Variants in FHIT observed in about 807,000 individuals in gnomAD.
The protein encoded by FHIT is bis(5'-adenosyl)-triphosphatase.
FHIT carries 19 observed loss-of-function variants against 17.9 expected under a neutral mutation model. That is an observed-to-expected ratio of 1.06 (90% CI 0.74 to 1.56). FHIT has a LOEUF of 1.56. FHIT is among the 40% of genes most tolerant of loss of function. FHIT has a pLI of 0.00. For synonymous variants in FHIT, 81 were observed against 69.7 expected (o/e 1.16, Z -0.81); for missense variants, 248 against 189.2 (o/e 1.31, Z -1.82).
chr3:60,303,617 C>T (rs1708538554), intron 5 of FHIT, among the ~76,000 whole-genome samples: 1 of 152,158 alleles, frequency 6.6e-6, no homozygotes, highest in Admixed American at 6.5e-5. Context: ...CTTCACAGCC[C>T]ATATGTGATT....
chr3:60,289,931 T>A (rs1036023985), intron 5 of FHIT, among the ~76,000 whole-genome samples: 2 of 152,208 alleles, frequency 1.3e-5, no homozygotes, highest in African/African-American at 4.8e-5. Flanking sequence ...CTGTTCATAT[T>A]GTTCCCTCCT....
chr3:59,948,608 G>A (rs1428708557), intron 7 of FHIT, among the ~76,000 whole-genome samples: 2 of 151,998 alleles, frequency 1.3e-5, no homozygotes, highest in African/African-American at 4.8e-5. Flanking sequence ...TTCCATCAGA[G>A]AGATTTGGTT....
At chr3:60,320,067 G>A (rs1393522557) in intron 5 of FHIT, among the ~76,000 whole-genome samples, 2 of 152,016 alleles carry the variant, frequency 1.3e-5, no homozygotes, top group African/African-American at 4.8e-5. Flanking sequence ...ATCCCTCTAA[G>A]GTGAGTTTCT....
rs1430183879 is a variant in FHIT, at chr3:60,315,630, G to A, written c.103+221230C>T. Among the ~76,000 whole-genome samples, 18 of 152,278 alleles carry A rather than the reference G, an allele frequency of 1.2e-4. No individual in the cohort carries two copies. In the East Asian group the frequency reaches 3.5e-3, roughly 29 times the overall value. ...ACTGCTGCTGCACAGGGCAGTAGAT[G>A]GTATGTTTTCATTGCTCTGAAGTGT... On this transcript the variant is annotated intron_variant, in intron 5 of 9. Transcript: ENST00000492590.
At chr3:61,132,341 C>A (rs983408767) in intron 2 of FHIT, among the ~76,000 whole-genome samples, 1 of 152,178 alleles carries the variant, frequency 6.6e-6, no homozygotes, top group Non-Finnish European at 1.5e-5. Context: ...GTCTCCCTTA[C>A]CTTATTCATC....
intron 3 of FHIT, among the ~76,000 whole-genome samples, chr3:60,842,150 C>T (rs1702742487): frequency 6.6e-6 from 1 of 152,102 alleles, no homozygotes; most frequent in Non-Finnish European, 1.5e-5. Context: ...GTGGGCATAT[C>T]CTGCCCTCAC....
At chr3:60,158,090 G>A (rs965362797) in intron 5 of FHIT, among the ~76,000 whole-genome samples, 3 of 152,142 alleles carry the variant, frequency 2.0e-5, no homozygotes, top group Admixed American at 6.5e-5. Flanking sequence ...CAAGACAGAT[G>A]GAAGTATTCT....
At chr3:60,022,480 C>G (rs1294196219) in intron 5 of FHIT, among the ~76,000 whole-genome samples, 3 of 152,138 alleles carry the variant, frequency 2.0e-5, no homozygotes, top group Non-Finnish European at 1.5e-5. Context: ...AGTATGTGAC[C>G]GACAGCTTTA....
intron 8 of FHIT, among the ~76,000 whole-genome samples, chr3:59,899,890 A>T (rs1704248014): frequency 2.0e-5 from 3 of 152,114 alleles, no homozygotes; most frequent in Admixed American, 2.0e-4. Flanking sequence ...CAGGCCTAGC[A>T]CTCTGCCAGG....
intron 4 of FHIT, among the ~76,000 whole-genome samples, chr3:60,571,075 C>G (rs929224286): frequency 6.6e-6 from 1 of 151,972 alleles, no homozygotes; most frequent in African/African-American, 2.4e-5. Context: ...CACCTGTAAT[C>G]CCAGCACTTT....
intron 8 of FHIT, among the ~76,000 whole-genome samples, chr3:59,897,918 C>A (rs552554679): frequency 6.6e-6 from 1 of 152,094 alleles, no homozygotes; most frequent in Non-Finnish European, 1.5e-5. Flanking sequence ...AGGCACCCGC[C>A]ACCACGCCTG....
chr3:59,989,976 C>G (rs965466467), intron 7 of FHIT, among the ~76,000 whole-genome samples: 2 of 152,032 alleles, frequency 1.3e-5, no homozygotes, highest in African/African-American at 4.8e-5. Context: ...GATGAGAAGA[C>G]AAACTCAGCA....
intron 7 of FHIT, among the ~76,000 whole-genome samples, chr3:60,003,254 G>C (rs956085783): frequency 6.6e-6 from 1 of 151,972 alleles, no homozygotes; most frequent in East Asian, 1.9e-4. Flanking sequence ...TGTTATCTGT[G>C]TCCTTCCTTC....
intron 8 of FHIT, among the ~76,000 whole-genome samples, chr3:59,754,180 C>T (rs1701076675): frequency 6.7e-6 from 1 of 150,356 alleles, no homozygotes. Context: ...TAGCCTCGCA[C>T]TCCCGCTGAG....
At position 60,002,432 on chromosome 3, in the gene FHIT, T is replaced by A. The variant is rs146495864; in HGVS notation, c.279+8939A>T. 9.3e-3 allele frequency among the ~76,000 whole-genome samples: 1,414 copies of A among 152,252 alleles called. 31 individuals carry two copies. Among genetic ancestry groups the A allele is most frequent in the Non-Finnish European group, 9.7e-3 (657 of 68,018 alleles). ...ACAAGAGGCTTCTTTGGAGAACGGATCTATTAGACAATAAGGTAGGATGGA... is the reference window on the plus strand; with the variant it reads ...ACAAGAGGCTTCTTTGGAGAACGGAACTATTAGACAATAAGGTAGGATGGA... On this transcript the variant is annotated intron_variant, in intron 7 of 9. Coordinates refer to ENST00000492590, the MANE Select transcript of FHIT (RefSeq NM_002012.4).
chr3:59,866,885 T>C (rs1193591715), intron 8 of FHIT, among the ~76,000 whole-genome samples: 1 of 152,108 alleles, frequency 6.6e-6, no homozygotes, highest in East Asian at 1.9e-4. Flanking sequence ...CAAATCCGGC[T>C]GATAATTTAG....
At chr3:59,896,905 T>A (rs1704096566) in intron 8 of FHIT, among the ~76,000 whole-genome samples, 1 of 152,104 alleles carries the variant, frequency 6.6e-6, no homozygotes, top group African/African-American at 2.4e-5. Flanking sequence ...TATATCTGAA[T>A]GCAACAAGGA....
At chr3:59,860,175 A>G (rs1437033808) in intron 8 of FHIT, among the ~76,000 whole-genome samples, 1 of 152,350 alleles carries the variant, frequency 6.6e-6, no homozygotes, top group East Asian at 1.9e-4. Context: ...AGAAAATAGC[A>G]TAAGTTTAAT....
intron 5 of FHIT, among the ~76,000 whole-genome samples, chr3:60,147,733 G>A (rs59882252): frequency 0.13 from 19,429 of 152,142 alleles, 1,960 homozygotes; most frequent in African/African-American, 0.27. Flanking sequence ...CTATCTTCCC[G>A]GAGCTTCTCT....
Sources: gnomAD v4.1 joint callset for allele counts (sites outside exome capture counted in the v4.1 genomes callset) on GRCh38, gnomAD v4.1.1 for gene constraint, MANE v1.5 for transcripts, NCBI Gene and HGNC (gene_info 2026-07-23, HGNC 2026-07-21) for gene names.